FNDC3B: variants seen among roughly 807,000 people sequenced by gnomAD.
The protein encoded by FNDC3B is fibronectin type III domain-containing protein 3B.
FNDC3B carries 12 observed loss-of-function variants against 151.5 expected under a neutral mutation model. That is an observed-to-expected ratio of 0.08 (90% CI 0.05 to 0.13). The LOEUF is 0.13. Among genes scored for constraint, FNDC3B ranks in the 10% least tolerant of loss-of-function variants. FNDC3B has a pLI of 1.00. For synonymous variants in FNDC3B, 528 were observed against 549.0 expected (o/e 0.96, Z 0.54); for missense variants, 1,214 against 1,505.3 (o/e 0.81, Z 3.20).
At chr3:172,305,819 T>C (rs1029183865) in intron 9 of FNDC3B, among the ~76,000 whole-genome samples, 8 of 152,194 alleles carry the variant, frequency 5.3e-5, no homozygotes, top group Non-Finnish European at 8.8e-5. Context: ...TCATTTAAAG[T>C]AACTTACTCC....
chr3:172,297,792 A>G (rs990019026), intron 8 of FNDC3B, among the ~76,000 whole-genome samples: 10 of 151,978 alleles, frequency 6.6e-5, no homozygotes, highest in Admixed American at 1.3e-4. Context: ...CATAAGTTTT[A>G]TATGTAATGG....
At chr3:172,343,361 C>G (rs1359189683) in intron 18 of FNDC3B, among the ~76,000 whole-genome samples, 1 of 152,150 alleles carries the variant, frequency 6.6e-6, no homozygotes, top group Admixed American at 6.5e-5. Flanking sequence ...CATGGTTTAT[C>G]CCCCGCACTT....
intron 16 of FNDC3B, among the ~76,000 whole-genome samples, chr3:172,340,254 C>CTTTAATTT (rs1169012871): frequency 6.7e-6 from 1 of 149,150 alleles, no homozygotes; most frequent in East Asian, 2.0e-4. Flanking sequence ...CACATTTGGT[C>CTTTAATTT]TTTAATTTGT....
At chr3:172,230,524 A>C (rs1364955626) in intron 4 of FNDC3B, among the ~76,000 whole-genome samples, 1 of 151,840 alleles carries the variant, frequency 6.6e-6, no homozygotes, top group Non-Finnish European at 1.5e-5. Context: ...AAAGAACAAC[A>C]ACAACAAAAA....
At chr3:172,045,318 A>G (rs1384687044) in intron 1 of FNDC3B, among the ~76,000 whole-genome samples, 2 of 152,216 alleles carry the variant, frequency 1.3e-5, no homozygotes, top group Non-Finnish European at 2.9e-5. Flanking sequence ...GTTGTACTAT[A>G]CATAAGTTGT....
intron 4 of FNDC3B, among the ~76,000 whole-genome samples, chr3:172,240,053 A>C (rs917599544): frequency 2.0e-5 from 3 of 151,632 alleles, no homozygotes; most frequent in Non-Finnish European, 4.4e-5. Flanking sequence ...TTGTATTTTT[A>C]GTAGAGATGG....
At chr3:172,055,901 C>G (rs1437510228) in intron 1 of FNDC3B, among the ~76,000 whole-genome samples, 1 of 152,116 alleles carries the variant, frequency 6.6e-6, no homozygotes, top group Admixed American at 6.5e-5. Flanking sequence ...CTGCCTCAGC[C>G]TCCTGAGTAG....
At chr3:172,393,085 G>A in intron 25 of FNDC3B, among the ~76,000 whole-genome samples, 1 of 151,966 alleles carries the variant, frequency 6.6e-6, no homozygotes, top group East Asian at 1.9e-4. Flanking sequence ...TTACAGGCAT[G>A]AGCCACCATG....
intron 2 of FNDC3B, among the ~76,000 whole-genome samples, chr3:172,126,383 C>T (rs1720810883): frequency 6.6e-6 from 1 of 152,130 alleles, no homozygotes; most frequent in Admixed American, 6.5e-5. Flanking sequence ...ATAATCTGTT[C>T]ATGTGTACAA....
intron 2 of FNDC3B, among the ~76,000 whole-genome samples, chr3:172,113,700 A>T (rs1272651633): frequency 2.6e-5 from 4 of 152,036 alleles, no homozygotes; most frequent in African/African-American, 9.7e-5. Flanking sequence ...AAAAACGTAA[A>T]CACCTGCACC....
In FNDC3B at chr3:172,397,213, A is replaced by G; in HGVS notation, c.3353A>G (p.Asn1118Ser). The change falls in exon 26 of 26, where the codon AAC (asparagine) becomes AGC (serine). Residue 1118 changes from asparagine (N) to serine (S), a missense_variant. Asn to Ser is a conservative substitution (Grantham distance 46, BLOSUM62 1). Around this residue, in one of 7 missense-constraint regions of FNDC3B, gnomAD observed 284 missense variants for 392.4 expected, o/e 0.72. Coordinates refer to ENST00000415807, the MANE Select transcript of FNDC3B (RefSeq NM_022763.4). Reference sequence around the variant, plus strand: ...TTCCAAATCTCAGGCCTCCAGACCAACACAGACTACAGGTTCCGCGTATGT... The same window carrying G: ...TTCCAAATCTCAGGCCTCCAGACCAGCACAGACTACAGGTTCCGCGTATGT... ...ATFQISGLQT[N>S]TDYRFRVCAC... 1 of 1,614,176 alleles carries G rather than the reference A, an allele frequency of 6.2e-7. No homozygotes were observed. The highest frequency in any genetic ancestry group is 2.2e-5 in the East Asian group (1 of 44,874).
chr3:172,377,897 C>A (rs1735235480), intron 23 of FNDC3B, among the ~76,000 whole-genome samples: 1 of 152,144 alleles, frequency 6.6e-6, no homozygotes, highest in East Asian at 1.9e-4. Context: ...ACATTAACTT[C>A]ATTGCCTAGT....
chr3:172,221,928 T>C (rs910593334), intron 3 of FNDC3B, among the ~76,000 whole-genome samples: 2 of 152,248 alleles, frequency 1.3e-5, no homozygotes, highest in African/African-American at 4.8e-5. Flanking sequence ...ACCTACTAGC[T>C]GTGGCCTTAT....
At chr3:172,132,517 T>C (rs1721157439) in intron 2 of FNDC3B, among the ~76,000 whole-genome samples, 1 of 152,124 alleles carries the variant, frequency 6.6e-6, no homozygotes, top group Non-Finnish European at 1.5e-5. Context: ...GCCATTTTCT[T>C]TTCTCAGCCT....
chr3:172,105,827 G>A (rs907119988), intron 1 of FNDC3B, among the ~76,000 whole-genome samples: 1 of 151,916 alleles, frequency 6.6e-6, no homozygotes, highest in Non-Finnish European at 1.5e-5. Flanking sequence ...AGGTCAGTGG[G>A]TATTTTTAGT....
At chr3:172,047,690 A>G (rs776811133) in intron 1 of FNDC3B, among the ~76,000 whole-genome samples, 6 of 152,226 alleles carry the variant, frequency 3.9e-5, no homozygotes, top group Non-Finnish European at 7.3e-5. Flanking sequence ...GTTTACCAGC[A>G]ATGGGTAGAA....
intron 22 of FNDC3B, among the ~76,000 whole-genome samples, chr3:172,360,774 C>CT (rs1426829124): frequency 6.6e-6 from 1 of 151,986 alleles, no homozygotes; most frequent in Non-Finnish European, 1.5e-5. Context: ...TCTCTATTCT[C>CT]TTGTATTGAT....
chr3:172,174,615 TGTA>T (rs990979104), intron 3 of FNDC3B, among the ~76,000 whole-genome samples: 3 of 152,210 alleles, frequency 2.0e-5, no homozygotes, highest in African/African-American at 2.4e-5. Flanking sequence ...TCTGGATTAA[TGTA>T]GTGCTATTCA....
At chr3:172,223,277 A>C (rs1726383267) in intron 3 of FNDC3B, among the ~76,000 whole-genome samples, 1 of 152,226 alleles carries the variant, frequency 6.6e-6, no homozygotes, top group African/African-American at 2.4e-5. Flanking sequence ...TAGCTTTTAA[A>C]CTCCAAATTG....
Sources: allele counts gnomAD v4.1 joint callset (sites outside exome capture counted in the v4.1 genomes callset), GRCh38; gene constraint gnomAD v4.1.1; regional missense constraint gnomAD v4.1.1; transcripts MANE v1.5; gene names NCBI Gene and HGNC (gene_info 2026-07-23, HGNC 2026-07-21).